Variants in SNRNP200 observed in about 807,000 individuals in gnomAD.
SNRNP200 encodes the protein small nuclear ribonucleoprotein U5 subunit 200, also known as U5 small nuclear ribonucleoprotein 200 kDa helicase.
In SNRNP200, 66 loss-of-function variants were observed where a neutral mutation model predicts 255.2. That is an observed-to-expected ratio of 0.26 (90% confidence interval 0.21 to 0.32). The LOEUF is 0.32. Ranked by LOEUF, SNRNP200 falls within the 10% of genes least tolerant of loss-of-function variation. SNRNP200 has a pLI of 1.00. For synonymous variants in SNRNP200, 939 were observed against 1,027.8 expected (o/e 0.91, Z 1.65); for missense variants, 1,585 against 2,749.8 (o/e 0.58, Z 9.47).
chr2:96,281,396 T>G, intron 35 of SNRNP200: 1 of 256,508 alleles, frequency 3.9e-6, no homozygotes, highest in South Asian at 4.2e-5. Flanking sequence ...CTTGAACTCC[T>G]GACCTCAAGT....
chr2:96,281,313 C>T (rs1207098308), intron 35 of SNRNP200: 1 of 171,942 alleles, frequency 5.8e-6, no homozygotes, highest in Non-Finnish European at 1.3e-5. Context: ...ATTACAGGCG[C>T]CTGCCACCAC....
rs1435012395 is a variant in SNRNP200, at chr2:96,274,622, C to T, written c.*390G>A. On this transcript the variant is annotated 3_prime_UTR_variant, in exon 45 of 45. Transcript: ENST00000323853. ...CTAATGAGCAGGTCTGTCCTCCAGACATACTCATTAACAAGCACGTTCCTG... is the reference window on the plus strand; with the variant it reads ...CTAATGAGCAGGTCTGTCCTCCAGATATACTCATTAACAAGCACGTTCCTG... 3.2e-5 allele frequency: 11 copies of T among 346,342 alleles called. No homozygotes were observed. The highest frequency in any genetic ancestry group is 8.3e-5 in the Admixed American group (2 of 24,162). 21.5% of individuals were successfully genotyped at this position (346,342 alleles called of 1,614,324 possible). A position where few individuals can be genotyped will look rare whatever the true frequency, so the allele number is the denominator to read the frequency against.
chr2:96,276,403 A>G (rs1684660744), intron 43 of SNRNP200: 1 of 206,028 alleles, frequency 4.9e-6, no homozygotes, highest in African/African-American at 2.3e-5. Flanking sequence ...CGGGTTTAAC[A>G]ATGACCAGTC....
rs756790136 is a variant in SNRNP200 at position 96,286,282 on chromosome 2, GC to G, written c.4003+28del. On this transcript the variant is annotated intron_variant, in intron 29 of 44. Transcript: ENST00000323853. The surrounding 1 kb of genome is among the most constrained non-coding windows in gnomAD (Gnocchi z 4.8). ...CATCTGTCTCCCGGTGACTTCAAAA[GC>G]CTCCAGAGGAGGGATGGAAACACTT... is the stretch of plus-strand genomic sequence containing the variant. 3.7e-6 allele frequency: 6 copies of G among 1,610,388 alleles called. No individual in the cohort carries two copies. The highest frequency in any genetic ancestry group is 5.1e-6 in the Non-Finnish European group (6 of 1,176,866).
At position 96,290,036 on chromosome 2, in the gene SNRNP200, C is replaced by T. The variant is rs75813159; in HGVS notation, c.2743-40G>A. The T allele has an allele frequency of 1.3e-6, 2 of 1,588,348 alleles. No individual in the cohort carries two copies. Among genetic ancestry groups the T allele is most frequent in the Non-Finnish European group, 1.7e-6 (2 of 1,156,720 alleles). On this transcript the variant is annotated intron_variant, in intron 20 of 44. Coordinates refer to ENST00000323853, the MANE Select transcript of SNRNP200 (RefSeq NM_014014.5). This position sits in a 1 kb window ranked among gnomAD's most constrained non-coding sequence, Gnocchi z 4.5. ...TCATGGTTCTTAGCATGGAGAAACT[C>T]TTGATGTCCAAATGACAGGCTCCCA... is the stretch of plus-strand genomic sequence containing the variant.
chr2:96,274,942 G>T lies in SNRNP200; in HGVS notation c.*70C>A. ...CCACAGACCTGGTCCCCACAACCAG[G>T]ATTCCTACAATGTACACATTCCTAA... On this transcript the variant is annotated 3_prime_UTR_variant, in exon 45 of 45. Transcript: ENST00000323853. The T allele has an allele frequency of 6.3e-7, 1 of 1,587,268 alleles. No individual in the cohort carries two copies. Among genetic ancestry groups the T allele is most frequent in the East Asian group, 2.2e-5 (1 of 44,722 alleles).
At chr2:96,292,763 T>C (rs2063891846) in intron 16 of SNRNP200, among the ~76,000 whole-genome samples, 1 of 152,240 alleles carries the variant, frequency 6.6e-6, no homozygotes, top group South Asian at 2.1e-4. Flanking sequence ...TCTGAATTTT[T>C]AAAGTTATGA....
Position 96,301,515 on chromosome 2 carries a change from C to T in SNRNP200, c.574+9G>A, listed in dbSNP as rs145559167. ...ATGAACATGATCAGAACATAAAGCG[C>T]GCACTTACCCATATTTTGGATTTCC... On this transcript the variant is annotated intron_variant, in intron 4 of 44. Coordinates refer to ENST00000323853, the MANE Select transcript of SNRNP200 (RefSeq NM_014014.5). 1.0e-4 allele frequency: 163 copies of T among 1,613,952 alleles called. No individual in the cohort carries two copies. In the African/African-American group the frequency reaches 1.2e-3, roughly 12 times the overall value.
chr2:96,279,922 T>G, intron 35 of SNRNP200: 2 of 324,168 alleles, frequency 6.2e-6, no homozygotes, highest in Non-Finnish European at 1.2e-5. Context: ...TATTTGTTTT[T>G]TGATACAGGG....
Position 96,287,258 on chromosome 2 carries a change from CT to C in SNRNP200, c.3485-99del. 1.3e-6 allele frequency: 2 copies of C among 1,487,138 alleles called. No individual in the cohort carries two copies. Among genetic ancestry groups the C allele is most frequent in the Non-Finnish European group, 9.4e-7 (1 of 1,065,888 alleles). The allele number at this position is 1,487,138 out of a possible 1,614,324, so 92.1% of individuals were successfully genotyped here. A position where few individuals can be genotyped will look rare whatever the true frequency, so the allele number is the denominator to read the frequency against. On this transcript the variant is annotated intron_variant, in intron 26 of 44. Transcript: ENST00000323853. The surrounding 1 kb of genome is among the most constrained non-coding windows in gnomAD (Gnocchi z 5.7). ...CTGTGGGAAAGGGGTAGGGTCTTCCCTTTATGGTCAGTGGAGCCCAGGATTC... is the reference window on the plus strand; with the variant it reads ...CTGTGGGAAAGGGGTAGGGTCTTCCCTTATGGTCAGTGGAGCCCAGGATTC...
Position 96,278,420 on chromosome 2 carries a change from G to A in SNRNP200, c.5489-62C>T, listed in dbSNP as rs1395009209. 13 of 1,612,714 alleles carry A rather than the reference G, an allele frequency of 8.1e-6. No individual in the cohort carries two copies. Among genetic ancestry groups the A allele is most frequent in the African/African-American group, 2.7e-5 (2 of 74,924 alleles). Reference sequence around the variant, plus strand: ...AGGCAGAGAAGGAGCAGAACTGCCCGGGCTCCCCTGCTGTCCCCTGCAGTG... The same window carrying A: ...AGGCAGAGAAGGAGCAGAACTGCCCAGGCTCCCCTGCTGTCCCCTGCAGTG... On this transcript the variant is annotated intron_variant, in intron 38 of 44. Coordinates refer to ENST00000323853, the MANE Select transcript of SNRNP200 (RefSeq NM_014014.5). The surrounding 1 kb of genome is among the most constrained non-coding windows in gnomAD (Gnocchi z 6.9).
At chr2:96,297,819 G>T in intron 9 of SNRNP200, 99 bp from the exon 10 acceptor site, 1 of 1,260,392 alleles carries the variant, frequency 7.9e-7, no homozygotes, top group South Asian at 1.2e-5. Flanking sequence ...AGTCACAGGT[G>T]CTGACTAGTA....
At chr2:96,292,869 T>G (rs532179180) in intron 16 of SNRNP200, 103 bp downstream of exon 16, 4 of 1,366,518 alleles carry the variant, frequency 2.9e-6, no homozygotes, top group Non-Finnish European at 4.1e-6. Flanking sequence ...GTGATTTATG[T>G]TGTGTCTTCT....
chr2:96,289,751 CA>C, intron 21 of SNRNP200, 47 bp downstream of exon 21: 1 of 1,595,180 alleles, frequency 6.3e-7, no homozygotes, highest in Non-Finnish European at 8.6e-7. Context: ...TTTCCTGGGC[CA>C]ACAACTTTTG....
At chr2:96,297,754 A>T (rs1284936774) in intron 9 of SNRNP200, 34 bp from the exon 10 acceptor site, 1 of 1,609,198 alleles carries the variant, frequency 6.2e-7, no homozygotes, top group South Asian at 1.1e-5. Flanking sequence ...CACAAAAACA[A>T]TTCATCAGTA....
intron 2 of SNRNP200, 137 bp from the exon 3 acceptor site, chr2:96,303,467 T>C: frequency 9.5e-7 from 1 of 1,050,244 alleles, no homozygotes; most frequent in South Asian, 1.3e-5. Flanking sequence ...CCTCAGCAAA[T>C]GATTCCGTTT....
Position 96,290,626 on chromosome 2 carries a change from C to T in SNRNP200, c.2553+58G>A. On this transcript the variant is annotated intron_variant, in intron 19 of 44. Transcript: ENST00000323853. This position sits in a 1 kb window ranked among gnomAD's most constrained non-coding sequence, Gnocchi z 4.5. ...CTGATCTGCTAGCTTTCCAGCATCC[C>T]TGCATTTCAGGCAAGGATACTGATC... 1.2e-6 allele frequency: 2 copies of T among 1,613,054 alleles called. No individual in the cohort carries two copies. The highest frequency in any genetic ancestry group is 1.7e-5 in the Admixed American group (1 of 60,022).
chr2:96,288,115 T>C (rs1231486751), intron 24 of SNRNP200, 146 bp from the exon 25 acceptor site: 2 of 741,894 alleles, frequency 2.7e-6, no homozygotes, highest in Admixed American at 4.0e-5. Flanking sequence ...CTTTACGCCT[T>C]TCTCCGTTCC....
Position 96,283,104 on chromosome 2 carries a change from T to C in SNRNP200, c.4915+97A>G. On this transcript the variant is annotated intron_variant, in intron 34 of 44. Coordinates refer to ENST00000323853, the MANE Select transcript of SNRNP200 (RefSeq NM_014014.5). This position sits in a 1 kb window ranked among gnomAD's most constrained non-coding sequence, Gnocchi z 4.7. ...TAAACAGTATTTTGAAAATCTCTGG[T>C]ATGCTGTAGAGAAAACACTGCCACC... The C allele has an allele frequency of 1.4e-6, 2 of 1,452,528 alleles. No homozygotes were observed. Among genetic ancestry groups the C allele is most frequent in the East Asian group, 4.5e-5 (2 of 44,144 alleles). The allele number at this position is 1,452,528 out of a possible 1,614,324, so 90.0% of individuals were successfully genotyped here. A position where few individuals can be genotyped will look rare whatever the true frequency, so the allele number is the denominator to read the frequency against.
Sources: allele counts gnomAD v4.1 joint callset (sites outside exome capture counted in the v4.1 genomes callset), GRCh38; gene constraint gnomAD v4.1.1; non-coding constraint Gnocchi (gnomAD v3.1); transcripts MANE v1.5; gene names NCBI Gene and HGNC (gene_info 2026-07-23, HGNC 2026-07-21).